HSP90AA1: variants seen among roughly 807,000 people sequenced by gnomAD.
The protein encoded by HSP90AA1 is heat shock protein 90 alpha family class A member 1.
Under a neutral mutation model 73.3 loss-of-function variants are expected in HSP90AA1, and 18 were observed. The observed-to-expected ratio is 0.25, with a 90% confidence interval of 0.17 to 0.36. The LOEUF (loss-of-function observed/expected upper bound fraction) is 0.36, where lower values mean the gene tolerates loss of function less well. Among genes scored for constraint, HSP90AA1 ranks in the 10% least tolerant of loss-of-function variants. HSP90AA1 has a pLI of 1.00. For missense variants in HSP90AA1, 704 were observed against 874.2 expected (o/e 0.81, Z 2.45); for synonymous variants, 477 against 296.9 (o/e 1.61, Z -6.24).
chr14:102,134,723 G>C (rs1187825117), intron 1 of HSP90AA1, among the ~76,000 whole-genome samples: 3 of 152,170 alleles, frequency 2.0e-5, no homozygotes, highest in African/African-American at 7.2e-5. Flanking sequence ...TCTTCGCGGT[G>C]AGTGTTACAG....
chr14:102,084,029 A>T (rs1433813031), intron 6 of HSP90AA1, 46 bp from the exon 7 acceptor site: 1 of 1,394,936 alleles, frequency 7.2e-7, no homozygotes, highest in Non-Finnish European at 1.0e-6. Flanking sequence ...CCAAGGACAA[A>T]ACTGGTACTA....
At chr14:102,120,225 G>A (rs1240868121) in intron 1 of HSP90AA1, among the ~76,000 whole-genome samples, 1 of 152,062 alleles carries the variant, frequency 6.6e-6, no homozygotes, top group Non-Finnish European at 1.5e-5. Context: ...TAGGCATGGT[G>A]GCATGTGCCT....
chr14:102,109,934 G>A (rs548770903), intron 1 of HSP90AA1, among the ~76,000 whole-genome samples: 6 of 152,084 alleles, frequency 3.9e-5, no homozygotes, highest in South Asian at 2.1e-4. Flanking sequence ...AAGGTGACTC[G>A]TTATTTTATT....
chr14:102,111,884 T>C (rs942344967), intron 1 of HSP90AA1, among the ~76,000 whole-genome samples: 1 of 152,208 alleles, frequency 6.6e-6, no homozygotes, highest in Non-Finnish European at 1.5e-5. Context: ...TTTTCAGTGG[T>C]GGTGTTTACA....
At position 102,081,931 on chromosome 14, in the gene HSP90AA1, T is replaced by C. The variant is rs1488865360; in HGVS notation, c.2090-110A>G. 2.0e-5 allele frequency: 16 copies of C among 785,636 alleles called. No individual in the cohort carries two copies. The East Asian group carries it at 3.7e-4, about 18-fold the overall frequency. The allele number at this position is 785,636 out of a possible 1,614,324, so 48.7% of individuals were successfully genotyped here. A position where few individuals can be genotyped will look rare whatever the true frequency, so the allele number is the denominator to read the frequency against. ...AAGACAGTATTACAGGACATATGAG[T>C]CTCAATTTCATTTCTTTGCTCTTGT... On this transcript the variant is annotated intron_variant, in intron 10 of 10. Transcript: ENST00000216281.
Position 102,086,042 on chromosome 14 carries a change from G to A in HSP90AA1, c.245C>T (p.Pro82Leu), listed in dbSNP as rs764598420. The change falls in exon 3 of 11, where the codon CCG becomes CTG. Residue 82 changes from proline to leucine, a missense_variant. Coordinates refer to ENST00000216281, the MANE Select transcript of HSP90AA1 (RefSeq NM_005348.4). ...AGTGAGAGTTCGATCTTGTTTGTTC[G>A]GTATAAGGTTAATATGCAGCTCTTT... Reference protein sequence around the residue: ...SGKELHINLIPNKQDRTLTIV... With the variant: ...SGKELHINLILNKQDRTLTIV... 3 of 1,613,732 alleles carry A rather than the reference G, an allele frequency of 1.9e-6. No homozygotes were observed. Among genetic ancestry groups the A allele is most frequent in the Admixed American group, 1.7e-5 (1 of 59,980 alleles).
intron 1 of HSP90AA1, among the ~76,000 whole-genome samples, chr14:102,122,833 G>A (rs1232892337): frequency 2.7e-5 from 4 of 150,074 alleles, no homozygotes; most frequent in Admixed American, 6.7e-5. Flanking sequence ...ATGCCCAGCT[G>A]ATTTTTGTAT....
chr14:102,088,165 A>G, upstream of HSP90AA1, among the ~76,000 whole-genome samples: 1 of 151,936 alleles, frequency 6.6e-6, no homozygotes, highest in East Asian at 1.9e-4. Context: ...GGGTTTCACC[A>G]TGTTGCCCAG....
exon 2 of HSP90AA1, chr14:102,102,077 G>A (rs1409002075): frequency 6.2e-7 from 1 of 1,613,798 alleles, no homozygotes; most frequent in East Asian, 2.2e-5. Context: ...CCAGTTAACA[G>A]GTGCCCTGCT....
chr14:102,088,281 A>AGTCCATGTCCTC (rs2049297301), upstream of HSP90AA1, among the ~76,000 whole-genome samples: 1 of 152,176 alleles, frequency 6.6e-6, no homozygotes, highest in South Asian at 2.1e-4. Flanking sequence ...TTCCCTGCCT[A>AGTCCATGTCCTC]GTCCATGTCC....
intron 1 of HSP90AA1, among the ~76,000 whole-genome samples, chr14:102,133,561 G>A (rs903359578): frequency 6.8e-6 from 1 of 146,238 alleles, no homozygotes; most frequent in East Asian, 2.1e-4. Context: ...TCGGCTCACT[G>A]CAACCTCCGC....
upstream of HSP90AA1, chr14:102,087,177 C>T: frequency 3.1e-6 from 3 of 983,156 alleles, no homozygotes; most frequent in Non-Finnish European, 3.6e-6. Context: ...TACGCATGCG[C>T]CGTTGCCGCG....
chr14:102,128,035 TTC>T (rs2049859471), intron 1 of HSP90AA1, among the ~76,000 whole-genome samples: 1 of 152,188 alleles, frequency 6.6e-6, no homozygotes, highest in South Asian at 2.1e-4. Flanking sequence ...ACATTGGTTC[TTC>T]TGTGCTGCTC....
chr14:102,090,124 T>C (rs149325494), upstream of HSP90AA1, among the ~76,000 whole-genome samples: 1,403 of 152,308 alleles, frequency 9.2e-3, 28 homozygotes, highest in African/African-American at 0.032. Flanking sequence ...TGTGCTCCTA[T>C]TTCTGTGTCT....
chr14:102,091,335 A>G (rs976579599), upstream of HSP90AA1, among the ~76,000 whole-genome samples: 2 of 152,108 alleles, frequency 1.3e-5, no homozygotes, highest in African/African-American at 4.8e-5. Flanking sequence ...CCTGATAAAC[A>G]GTCTCAGCTG....
At chr14:102,102,728 G>T (rs932086468) in intron 1 of HSP90AA1, among the ~76,000 whole-genome samples, 2 of 152,134 alleles carry the variant, frequency 1.3e-5, no homozygotes, top group Admixed American at 6.5e-5. Context: ...AAAATATGGG[G>T]AAATATAGTA....
At chr14:102,092,909 C>A (rs2049376693) in intron 2 of HSP90AA1, among the ~76,000 whole-genome samples, 1 of 151,940 alleles carries the variant, frequency 6.6e-6, no homozygotes, top group South Asian at 2.1e-4. Context: ...CCATGCCCAG[C>A]TAATTTTTGC....
intron 2 of HSP90AA1, among the ~76,000 whole-genome samples, chr14:102,094,529 G>T (rs1017397040): frequency 8.5e-5 from 13 of 152,322 alleles, no homozygotes; most frequent in Admixed American, 2.6e-4. Context: ...GGGAGGGAGT[G>T]TGGGGAAGGG....
rs756163987 is a variant in HSP90AA1 at position 102,084,010 on chromosome 14, T to C, written c.1148-27A>G. 1.5e-5 allele frequency: 23 copies of C among 1,557,254 alleles called. 1 individual carries two copies. Among genetic ancestry groups the C allele is most frequent in the Non-Finnish European group, 1.4e-5 (16 of 1,128,908 alleles). On this transcript the variant is annotated intron_variant, in intron 6 of 10. Coordinates refer to ENST00000216281, the MANE Select transcript of HSP90AA1 (RefSeq NM_005348.4). ...TGAAAAAAATATAAACCAAATGCAC[T>C]GAGTCATTCCAAGGACAAAACTGGT...
Sources: gnomAD v4.1 joint callset for allele counts (sites outside exome capture counted in the v4.1 genomes callset) on GRCh38, gnomAD v4.1.1 for gene constraint, MANE v1.5 for transcripts, NCBI Gene and HGNC (gene_info 2026-07-23, HGNC 2026-07-21) for gene names.